Variants in CUX2 observed in about 807,000 individuals in gnomAD.
CUX2 encodes homeobox protein cut-like 2.
A neutral mutation model predicts 144.8 loss-of-function variants in CUX2; 40 were observed. That is an observed-to-expected ratio of 0.28 (90% CI 0.21 to 0.36). CUX2 has a LOEUF of 0.36. Ranked by LOEUF, CUX2 falls within the 10% of genes least tolerant of loss-of-function variation. The pLI, the probability that CUX2 is intolerant of heterozygous loss-of-function variation, is 1.00. For missense variants in CUX2, 1,615 were observed against 1,994.0 expected (o/e 0.81, Z 3.62); for synonymous variants, 827 against 875.6 (o/e 0.94, Z 0.98).
chr12:111,176,560 A>G (rs148582028), intron 1 of CUX2, among the ~76,000 whole-genome samples: 17 of 152,196 alleles, frequency 1.1e-4, no homozygotes, highest in African/African-American at 3.9e-4. Context: ...TCTGGAAGGA[A>G]CCCCAAACAT....
At position 111,293,723 on chromosome 12, in the gene CUX2, C is replaced by A. The variant is rs1292731364; in HGVS notation, c.560+154C>A. 6.6e-6 allele frequency among the ~76,000 whole-genome samples: 1 copy of A among 152,168 alleles called. No homozygotes were observed. The highest frequency in any genetic ancestry group is 1.9e-4 in the East Asian group (1 of 5,184). On this transcript the variant is annotated intron_variant, in intron 6 of 21. Coordinates refer to ENST00000261726, the MANE Select transcript of CUX2 (RefSeq NM_015267.4). The surrounding 1 kb of genome is among the most constrained non-coding windows in gnomAD (Gnocchi z 4.5). ...AAGGGCCGAGGGCTTTGGACTCCAA[C>A]CGGGTCTGGGTTCAAGTTCCACTGC... is the stretch of plus-strand genomic sequence containing the variant.
intron 1 of CUX2, among the ~76,000 whole-genome samples, chr12:111,183,539 A>T (rs1353375349): frequency 6.6e-6 from 1 of 152,234 alleles, no homozygotes; most frequent in Admixed American, 6.5e-5. Flanking sequence ...TCGAGCCAGG[A>T]TAGCATGGGG....
At chr12:111,152,821 G>A (rs1424257177) in intron 1 of CUX2, among the ~76,000 whole-genome samples, 1 of 152,238 alleles carries the variant, frequency 6.6e-6, no homozygotes, top group African/African-American at 2.4e-5. Flanking sequence ...CCATCTGGCA[G>A]TCAGGGACTG....
chr12:111,263,790 G>A lies in CUX2; in HGVS notation c.252G>A (p.Glu84=). 2 of 1,614,196 alleles carry A rather than the reference G, an allele frequency of 1.2e-6. No individual in the cohort carries two copies. Among genetic ancestry groups the A allele is most frequent in the Non-Finnish European group, 1.7e-6 (2 of 1,180,020 alleles). ...TGGCCCTTAGTAAGAGAAGTCAGGAGGCGGAGGCTGCTTTTCTGAGTGTTT... is the reference window on the plus strand; with the variant it reads ...TGGCCCTTAGTAAGAGAAGTCAGGAAGCGGAGGCTGCTTTTCTGAGTGTTT... The part of the protein sequence containing the change: ...EVVALSKRSQ[E]AEAAFLSVYK... The change falls in exon 4 of 22, where the codon GAG becomes GAA. Residue 84 remains glutamate (E), a synonymous_variant. Transcript: ENST00000261726. The surrounding 1 kb of genome is among the most constrained non-coding windows in gnomAD (Gnocchi z 4.0).
At chr12:111,336,424 T>TTGTGTGTGTGTGTGTGTGTG (rs57009074) in intron 19 of CUX2, among the ~76,000 whole-genome samples, 2 of 146,026 alleles carry the variant, frequency 1.4e-5, no homozygotes, top group African/African-American at 2.5e-5. Flanking sequence ...CACTTCAGTG[T>TTGTGTGTGTGTGTGTGTGTG]TGTGTGTGTG....
intron 18 of CUX2, among the ~76,000 whole-genome samples, chr12:111,331,523 C>T (rs1279009148): frequency 6.6e-6 from 1 of 152,022 alleles, no homozygotes; most frequent in African/African-American, 2.4e-5. Context: ...GGAGGCTCAG[C>T]TCACACTGGG....
chr12:111,149,434 G>C (rs1468938291), intron 1 of CUX2, among the ~76,000 whole-genome samples: 2 of 152,154 alleles, frequency 1.3e-5, no homozygotes, highest in South Asian at 2.1e-4. Context: ...AGTCTGTTGT[G>C]GGGGGTTGCC....
At chr12:111,092,805 ATTT>A (rs528129107) in intron 1 of CUX2, among the ~76,000 whole-genome samples, 4 of 106,010 alleles carry the variant, frequency 3.8e-5, no homozygotes, top group Non-Finnish European at 5.7e-5. Context: ...GCTCTGGCAG[ATTT>A]TTTTTTTTTT....
chr12:111,339,225 G>A (rs1458204516), intron 20 of CUX2, among the ~76,000 whole-genome samples: 1 of 151,184 alleles, frequency 6.6e-6, no homozygotes, highest in African/African-American at 2.4e-5. Flanking sequence ...GAACGACTCT[G>A]TCTCAAAAAA....
At chr12:111,180,080 C>T (rs1879075715) in intron 1 of CUX2, among the ~76,000 whole-genome samples, 1 of 152,120 alleles carries the variant, frequency 6.6e-6, no homozygotes, top group African/African-American at 2.4e-5. Context: ...AATTCCAGCC[C>T]CCATGGGGCC....
At chr12:111,069,520 CTGTGTGTGTGTGTG>C (rs150243402) in intron 1 of CUX2, among the ~76,000 whole-genome samples, 2 of 139,692 alleles carry the variant, frequency 1.4e-5, no homozygotes, top group Non-Finnish European at 3.1e-5. Context: ...AAGCCTTGCT[CTGTGTGTGTGTGTG>C]TGTGTGTGTG....
chr12:111,098,707 A>G (rs1356619450), intron 1 of CUX2, among the ~76,000 whole-genome samples: 1 of 152,168 alleles, frequency 6.6e-6, no homozygotes, highest in East Asian at 1.9e-4. Context: ...CAGGAAGCCA[A>G]CGTCACCTCC....
At chr12:111,328,975 C>CTCTCTCTCTCTCTCTCTCTCTCT (rs1491501890) in intron 18 of CUX2, among the ~76,000 whole-genome samples, 36 of 65,642 alleles carry the variant, frequency 5.5e-4, no homozygotes, top group Non-Finnish European at 7.4e-4. Flanking sequence ...CTCTCTCTCT[C>CTCTCTCTCTCTCTCTCTCTCTCT]CCCCTCTCTC....
At chr12:111,249,231 C>T (rs747534560) in intron 3 of CUX2, among the ~76,000 whole-genome samples, 7 of 152,130 alleles carry the variant, frequency 4.6e-5, no homozygotes, top group Non-Finnish European at 1.0e-4. Flanking sequence ...GCTGGAAATC[C>T]GAGCTCTGCC....
rs1406533292 is a variant in CUX2 at position 111,348,525 on chromosome 12, C to T, written c.*200C>T. 5.0e-6 allele frequency: 3 copies of T among 595,956 alleles called. No homozygotes were observed. The highest frequency in any genetic ancestry group is 8.8e-6 in the Non-Finnish European group (3 of 342,558). 36.9% of individuals were successfully genotyped at this position (595,956 alleles called of 1,614,324 possible). A position where few individuals can be genotyped will look rare whatever the true frequency, so the allele number is the denominator to read the frequency against. The stretch of plus-strand genomic sequence containing the variant: ...GGTGGGTCAAATGCCATTGCCTCCA[C>T]TTTTCTGCACCCCCCTGCTCCTCTT... On this transcript the variant is annotated 3_prime_UTR_variant, in exon 22 of 22. Transcript: ENST00000261726.
At chr12:111,167,676 T>TTGTG (rs1878234729) in intron 1 of CUX2, among the ~76,000 whole-genome samples, 1 of 140,856 alleles carries the variant, frequency 7.1e-6, no homozygotes, top group Non-Finnish European at 1.5e-5. Context: ...CTGGGTTTGT[T>TTGTG]TGTTTGTTTG....
intron 1 of CUX2, among the ~76,000 whole-genome samples, chr12:111,049,063 C>G (rs1035850252): frequency 6.6e-6 from 1 of 152,064 alleles, no homozygotes; most frequent in African/African-American, 2.4e-5. Flanking sequence ...GCTGTACTTC[C>G]CCATTTCTTA....
At chr12:111,105,815 T>C (rs1300563697) in intron 1 of CUX2, among the ~76,000 whole-genome samples, 2 of 152,064 alleles carry the variant, frequency 1.3e-5, no homozygotes, top group African/African-American at 4.8e-5. Context: ...ATTTCTCTAA[T>C]GGTAATTCAT....
intron 3 of CUX2, among the ~76,000 whole-genome samples, chr12:111,231,583 C>G (rs1295127066): frequency 6.6e-6 from 1 of 152,144 alleles, no homozygotes; most frequent in African/African-American, 2.4e-5. Flanking sequence ...AGACTGTGGC[C>G]ATTGGGCTAA....
Sources: allele counts gnomAD v4.1 joint callset (sites outside exome capture counted in the v4.1 genomes callset), GRCh38; gene constraint gnomAD v4.1.1; non-coding constraint Gnocchi (gnomAD v3.1); transcripts MANE v1.5; gene names NCBI Gene and HGNC (gene_info 2026-07-23, HGNC 2026-07-21).